Variants in CNTN5 observed in about 807,000 individuals in gnomAD.
CNTN5 encodes the protein contactin 5.
Under a neutral mutation model 129.1 loss-of-function variants are expected in CNTN5, and 77 were observed. The ratio of observed to expected loss-of-function variants is 0.60; its 90% CI spans 0.50 to 0.72. CNTN5 has a LOEUF of 0.72. Among genes scored for constraint, CNTN5 ranks in the 30% least tolerant of loss-of-function variants. The probability of loss-of-function intolerance (pLI) is 0.00; values close to 1 mark genes in which losing one functional copy is unlikely to be tolerated. For missense variants in CNTN5, 1,478 were observed against 1,328.8 expected, an observed-to-expected ratio of 1.11 and a Z score of -1.75; for synonymous variants, 509 against 465.6, an observed-to-expected ratio of 1.09 and a Z score of -1.20.
intron 6 of CNTN5, among the ~76,000 whole-genome samples, chr11:99,849,535 G>A (rs1268903162): frequency 6.6e-6 from 1 of 152,002 alleles, no homozygotes; most frequent in Non-Finnish European, 1.5e-5. Flanking sequence ...TTTTCAATGA[G>A]TGTAATGTCA....
At chr11:99,803,346 C>T (rs1946171476) in intron 3 of CNTN5, among the ~76,000 whole-genome samples, 1 of 152,194 alleles carries the variant, frequency 6.6e-6, no homozygotes, top group Non-Finnish European at 1.5e-5. Flanking sequence ...GCTCTTCTCC[C>T]ACCCTAGGCC....
Position 99,678,884 on chromosome 11 carries a change from T to C in CNTN5, c.55+122615T>C, listed in dbSNP as rs150250150. On this transcript the variant is annotated intron_variant, in intron 3 of 24. Transcript: ENST00000524871. ...TAAACAACCAAGAGAAATTAAGATA[T>C]ATAACCTTTTTTTGTATTCCATTCC... Among the ~76,000 whole-genome samples the C allele has an allele frequency of 2.4e-3, 368 of 151,586 alleles. 2 individuals carry two copies. The highest frequency in any genetic ancestry group is 8.4e-3 in the African/African-American group (349 of 41,408).
intron 2 of CNTN5, among the ~76,000 whole-genome samples, chr11:99,466,549 T>C (rs1234496013): frequency 6.6e-6 from 1 of 152,220 alleles, no homozygotes; most frequent in African/African-American, 2.4e-5. Flanking sequence ...CAAAACTTTT[T>C]ATAAATTTTT....
At chr11:99,689,592 C>CT (rs1180821747) in intron 3 of CNTN5, among the ~76,000 whole-genome samples, 12 of 142,386 alleles carry the variant, frequency 8.4e-5, no homozygotes, top group Middle Eastern at 3.4e-3. Flanking sequence ...GCATCTGTTA[C>CT]TTTTTTTTGA....
intron 7 of CNTN5, among the ~76,000 whole-genome samples, chr11:99,954,493 G>A (rs1318864535): frequency 2.6e-5 from 4 of 152,144 alleles, no homozygotes. Context: ...TAAGGGCCAG[G>A]TGCAGTTTGT....
intron 1 of CNTN5, among the ~76,000 whole-genome samples, chr11:99,313,173 A>C (rs185253306): frequency 6.6e-6 from 1 of 152,090 alleles, no homozygotes; most frequent in Admixed American, 6.5e-5. Context: ...AATAGAAATC[A>C]AATAGAAATC....
At chr11:100,249,471 C>T (rs1410582591) in intron 16 of CNTN5, among the ~76,000 whole-genome samples, 1 of 152,068 alleles carries the variant, frequency 6.6e-6, no homozygotes, top group South Asian at 2.1e-4. Flanking sequence ...TTGACTATTT[C>T]CAAATACAGT....
rs151211448 is a variant in CNTN5, at chr11:99,137,017, T to C, written c.-210+115747T>C. On this transcript the variant is annotated intron_variant, in intron 1 of 24. Coordinates refer to ENST00000524871, the MANE Select transcript of CNTN5 (RefSeq NM_014361.4). Reference sequence around the variant, plus strand: ...ATTGAACAAGCAATATATCTACTTATGAAGAACACAGCTGACTTACATTCT... The same window carrying C: ...ATTGAACAAGCAATATATCTACTTACGAAGAACACAGCTGACTTACATTCT... Among the ~76,000 whole-genome samples, 450 of 152,316 alleles carry C rather than the reference T, an allele frequency of 3.0e-3. 7 individuals are homozygous for C. The highest frequency in any genetic ancestry group is 0.015 in the East Asian group (79 of 5,192).
Position 99,080,980 on chromosome 11 carries a change from G to GTTT in CNTN5, c.-210+59727_-210+59729dup, listed in dbSNP as rs766619743. 9.1e-3 allele frequency among the ~76,000 whole-genome samples: 1,027 copies of GTTT among 112,418 alleles called. 27 individuals are homozygous for GTTT. Among genetic ancestry groups the GTTT allele is most frequent in the African/African-American group, 0.023 (685 of 30,002 alleles). The allele number at this position is 112,418 out of a possible 152,430, so 73.8% of individuals were successfully genotyped here. A position where few individuals can be genotyped will look rare whatever the true frequency, so the allele number is the denominator to read the frequency against. Reference sequence around the variant, plus strand: ...TTGTTGCCCACCTACTGAGAAATCAGTTTTTTTTTTTTTTTTTTTCAGAAG... The same window carrying GTTT: ...TTGTTGCCCACCTACTGAGAAATCAGTTTTTTTTTTTTTTTTTTTTTTCAGAAG... On this transcript the variant is annotated intron_variant, in intron 1 of 24. Coordinates refer to ENST00000524871, the MANE Select transcript of CNTN5 (RefSeq NM_014361.4).
At chr11:99,483,544 C>T (rs1206986877) in intron 2 of CNTN5, among the ~76,000 whole-genome samples, 1 of 152,090 alleles carries the variant, frequency 6.6e-6, no homozygotes, top group Admixed American at 6.5e-5. Context: ...AGCTGCTGCT[C>T]ACCATTTTCA....
chr11:99,769,411 T>C (rs906050786), intron 3 of CNTN5, among the ~76,000 whole-genome samples: 12 of 152,190 alleles, frequency 7.9e-5, no homozygotes, highest in African/African-American at 2.4e-4. Context: ...TTTTTTCTTA[T>C]TCATAAATTC....
chr11:100,230,601 T>C (rs932445295), intron 16 of CNTN5, among the ~76,000 whole-genome samples: 5 of 152,200 alleles, frequency 3.3e-5, no homozygotes, highest in East Asian at 1.9e-4. Flanking sequence ...CATGTACATA[T>C]ATATCTGCAA....
chr11:99,057,946 T>C (rs1173289267), intron 1 of CNTN5, among the ~76,000 whole-genome samples: 1 of 151,800 alleles, frequency 6.6e-6, no homozygotes, highest in Non-Finnish European at 1.5e-5. Flanking sequence ...GAAAAATCCA[T>C]GTGGATATAA....
At chr11:99,129,467 A>G (rs1297961402) in intron 1 of CNTN5, among the ~76,000 whole-genome samples, 1 of 152,202 alleles carries the variant, frequency 6.6e-6, no homozygotes, top group Non-Finnish European at 1.5e-5. Flanking sequence ...ACTATGTAAA[A>G]AGACCAAACC....
chr11:99,856,573 A>G (rs927656340), intron 6 of CNTN5, among the ~76,000 whole-genome samples: 7 of 152,162 alleles, frequency 4.6e-5, no homozygotes, highest in African/African-American at 1.7e-4. Context: ...TTAAGGGGCA[A>G]GTATGGAGTA....
chr11:99,981,061 GAGAA>G (rs1938297850), intron 8 of CNTN5, among the ~76,000 whole-genome samples: 1 of 104,126 alleles, frequency 9.6e-6, no homozygotes, highest in Non-Finnish European at 2.1e-5. Context: ...GTTTTATAGA[GAGAA>G]AGAGCCAATA....
chr11:99,186,877 C>G (rs1402831732), intron 1 of CNTN5, among the ~76,000 whole-genome samples: 6 of 151,952 alleles, frequency 3.9e-5, no homozygotes, highest in African/African-American at 1.4e-4. Context: ...CCTTGTTGAT[C>G]TTCCTTGAGG....
At chr11:99,967,483 C>T (rs1951126005) in intron 8 of CNTN5, among the ~76,000 whole-genome samples, 1 of 152,164 alleles carries the variant, frequency 6.6e-6, no homozygotes, top group African/African-American at 2.4e-5. Context: ...GACACAGATT[C>T]TGTCTGTAAC....
intron 3 of CNTN5, among the ~76,000 whole-genome samples, chr11:99,658,020 TTTA>T (rs1952444930): frequency 6.6e-6 from 1 of 152,020 alleles, no homozygotes; most frequent in African/African-American, 2.4e-5. Context: ...AAATTTATAT[TTTA>T]TTAATTTAAA....
Sources: gnomAD v4.1 joint callset for allele counts (sites outside exome capture counted in the v4.1 genomes callset) on GRCh38, gnomAD v4.1.1 for gene constraint, MANE v1.5 for transcripts, NCBI Gene and HGNC (gene_info 2026-07-23, HGNC 2026-07-21) for gene names.